Variants in AUTS2 observed in about 807,000 individuals in gnomAD.
The protein encoded by AUTS2 is autism susceptibility gene 2 protein.
AUTS2 carries 17 observed loss-of-function variants against 112.4 expected under a neutral mutation model. That is an observed-to-expected ratio of 0.15 (90% confidence interval 0.10 to 0.23). The LOEUF is 0.23. Among genes scored for constraint, AUTS2 ranks in the 10% least tolerant of loss-of-function variants. The probability of loss-of-function intolerance (pLI) is 1.00; values close to 1 mark genes in which losing one functional copy is unlikely to be tolerated. For missense variants in AUTS2, 1,510 were observed against 1,701.6 expected, an observed-to-expected ratio of 0.89 and a Z score of 1.98; for synonymous variants, 751 against 702.7, an observed-to-expected ratio of 1.07 and a Z score of -1.09.
intron 4 of AUTS2, among the ~76,000 whole-genome samples, chr7:70,255,745 G>A (rs992992114): frequency 6.6e-6 from 1 of 152,088 alleles, no homozygotes; most frequent in Non-Finnish European, 1.5e-5. Context: ...GAAAGAGATA[G>A]AACTTTTGTT....
chr7:70,680,003 G>A (rs560474479), intron 5 of AUTS2, among the ~76,000 whole-genome samples: 1 of 152,298 alleles, frequency 6.6e-6, no homozygotes, highest in Admixed American at 6.5e-5. Flanking sequence ...CTTGTACCTT[G>A]ACTGTCTCAG....
intron 2 of AUTS2, among the ~76,000 whole-genome samples, chr7:70,062,119 C>G (rs1316667645): frequency 6.6e-6 from 1 of 151,672 alleles, no homozygotes; most frequent in Admixed American, 6.6e-5. Context: ...CTCTCACAAA[C>G]CTTCCTTTTA....
rs563950530 is a variant in AUTS2, at chr7:69,603,098, G to C, written c.309+3136G>C. Among the ~76,000 whole-genome samples the C allele has an allele frequency of 2.6e-4, 40 of 152,276 alleles. 1 individual carries two copies. In the South Asian group the frequency reaches 7.7e-3, roughly 29 times the overall value. Reference sequence around the variant, plus strand: ...TCCTAAATACGTAGTATGTTTTCGGGCCTTGTGTTTAGAAATGAAATCAGT... The same window carrying C: ...TCCTAAATACGTAGTATGTTTTCGGCCCTTGTGTTTAGAAATGAAATCAGT... On this transcript the variant is annotated intron_variant, in intron 1 of 18. Coordinates refer to ENST00000342771, the MANE Select transcript of AUTS2 (RefSeq NM_015570.4).
At chr7:70,117,751 T>G (rs1347739916) in intron 2 of AUTS2, among the ~76,000 whole-genome samples, 1 of 145,088 alleles carries the variant, frequency 6.9e-6, no homozygotes, top group Non-Finnish European at 1.5e-5. Flanking sequence ...TGTTCACTCT[T>G]TTTTTTTTTT....
intron 1 of AUTS2, among the ~76,000 whole-genome samples, chr7:69,750,389 CTAT>C (rs1424066621): frequency 6.8e-6 from 1 of 147,940 alleles, no homozygotes. Context: ...TAGTATTATA[CTAT>C]TATATTAGTA....
chr7:70,134,640 A>G (rs1806454400), intron 4 of AUTS2, 69 bp downstream of exon 4: 2 of 1,396,634 alleles, frequency 1.4e-6, no homozygotes, highest in African/African-American at 1.4e-5. Flanking sequence ...ATGAATGCTC[A>G]TTGGGATATG....
chr7:70,647,046 A>G (rs1170186857), intron 5 of AUTS2, among the ~76,000 whole-genome samples: 1 of 152,148 alleles, frequency 6.6e-6, no homozygotes, highest in African/African-American at 2.4e-5. Flanking sequence ...AGTCTTGGAC[A>G]TTCTCCCAGC....
At chr7:70,318,047 A>C (rs1473462008) in intron 4 of AUTS2, among the ~76,000 whole-genome samples, 2 of 152,056 alleles carry the variant, frequency 1.3e-5, no homozygotes, top group Non-Finnish European at 2.9e-5. Context: ...GCTCTTATTC[A>C]CTGCGGCGTT....
chr7:69,996,182 A>T (rs1798936112), intron 2 of AUTS2, among the ~76,000 whole-genome samples: 1 of 152,148 alleles, frequency 6.6e-6, no homozygotes, highest in South Asian at 2.1e-4. Flanking sequence ...GTGTCATAAG[A>T]GGCAGTGCAG....
In AUTS2 at chr7:70,662,046, G is replaced by C. The variant is rs554436028; in HGVS notation, c.691-36523G>C. 4.6e-5 allele frequency among the ~76,000 whole-genome samples: 7 copies of C among 152,206 alleles called. No homozygotes were observed. The East Asian group carries it at 5.8e-4, about 13-fold the overall frequency. On this transcript the variant is annotated intron_variant, in intron 5 of 18. Transcript: ENST00000342771. ...GATTGAAAGGGTGAGCAGACAATGG[G>C]GGGGCAGACACCTGAAGCCAGAGAT...
chr7:70,510,202 A>G (rs1376195649), intron 5 of AUTS2, among the ~76,000 whole-genome samples: 2 of 152,202 alleles, frequency 1.3e-5, no homozygotes, highest in Non-Finnish European at 2.9e-5. Flanking sequence ...GTGCTCTGAC[A>G]GCCACAGCTT....
At chr7:70,685,728 C>A (rs1429294350) in intron 5 of AUTS2, among the ~76,000 whole-genome samples, 1 of 152,122 alleles carries the variant, frequency 6.6e-6, no homozygotes, top group Non-Finnish European at 1.5e-5. Flanking sequence ...AAAGAAAAAA[C>A]TGCGGAGAGC....
rs140240048 is a variant in AUTS2 at position 70,392,437 on chromosome 7, G to A, written c.661-43315G>A. ...TGTTCTTCCTTGCAAAAAATAGAAG[G>A]TCGTTACCAGGAAGTCTCAGTGTAC... is the stretch of plus-strand genomic sequence containing the variant. On this transcript the variant is annotated intron_variant, in intron 4 of 18. Coordinates refer to ENST00000342771, the MANE Select transcript of AUTS2 (RefSeq NM_015570.4). 1.2e-3 allele frequency among the ~76,000 whole-genome samples: 178 copies of A among 152,276 alleles called. 1 individual carries two copies. Among genetic ancestry groups the A allele is most frequent in the African/African-American group, 4.0e-3 (167 of 41,558 alleles).
intron 1 of AUTS2, among the ~76,000 whole-genome samples, chr7:69,717,384 G>C (rs1183875135): frequency 6.6e-6 from 1 of 152,156 alleles, no homozygotes; most frequent in Non-Finnish European, 1.5e-5. Context: ...TCTGGGTGTG[G>C]GCATTAGAGA....
chr7:70,777,827 A>C (rs1347573576), intron 14 of AUTS2, among the ~76,000 whole-genome samples: 2 of 152,250 alleles, frequency 1.3e-5, no homozygotes, highest in African/African-American at 4.8e-5. Context: ...TAGAATACAG[A>C]AAATACTCTG....
chr7:70,596,218 C>T (rs1432629351), intron 5 of AUTS2: 1 of 152,490 alleles, frequency 6.6e-6, no homozygotes, highest in African/African-American at 2.4e-5. Context: ...GCCGAGGCAT[C>T]CGCGAGCCGC....
intron 1 of AUTS2, among the ~76,000 whole-genome samples, chr7:69,800,649 C>A (rs77013013): frequency 0.021 from 3,235 of 152,304 alleles, 37 homozygotes; most frequent in Middle Eastern, 0.034. Context: ...GTCAAGAATT[C>A]TGGCAGAGTT....
intron 6 of AUTS2, among the ~76,000 whole-genome samples, chr7:70,752,788 C>A (rs1188950795): frequency 6.6e-6 from 1 of 152,140 alleles, no homozygotes; most frequent in African/African-American, 2.4e-5. Context: ...CAACCTATTT[C>A]TCTCATTCTA....
intron 2 of AUTS2, among the ~76,000 whole-genome samples, chr7:69,948,778 ATTT>A (rs1287854651): frequency 2.5e-5 from 2 of 80,070 alleles, no homozygotes; most frequent in Admixed American, 1.2e-4. Flanking sequence ...TCTTTCATTT[ATTT>A]ATTTATTTAT....
Sources: allele counts gnomAD v4.1 joint callset (sites outside exome capture counted in the v4.1 genomes callset), GRCh38; gene constraint gnomAD v4.1.1; transcripts MANE v1.5; gene names NCBI Gene and HGNC (gene_info 2026-07-23, HGNC 2026-07-21).